UNC5D: variants seen among roughly 807,000 people sequenced by gnomAD.
UNC5D encodes the protein netrin receptor UNC5D.
A neutral mutation model predicts 105.4 loss-of-function variants in UNC5D; 39 were observed. The ratio of observed to expected loss-of-function variants is 0.37; its 90% CI spans 0.29 to 0.48. The LOEUF is 0.48. UNC5D is among the 20% of genes least tolerant of loss of function. The pLI, the probability that UNC5D is intolerant of heterozygous loss-of-function variation, is 0.98. For synonymous variants in UNC5D, 452 were observed against 450.4 expected (o/e 1.00, Z -0.04); for missense variants, 991 against 1,202.4 (o/e 0.82, Z 2.60).
At chr8:35,606,589 C>A (rs761292001) in intron 4 of UNC5D, among the ~76,000 whole-genome samples, 1 of 152,144 alleles carries the variant, frequency 6.6e-6, no homozygotes, top group Non-Finnish European at 1.5e-5. Context: ...CCTCTCCCCT[C>A]GAGTAGACCC....
rs935359801 is a variant in UNC5D, at chr8:35,730,893, T to G, written c.1682-119T>G. On this transcript the variant is annotated intron_variant, in intron 10 of 16. Transcript: ENST00000404895. ...ACCTTAAACTTTCCAAGGATTGAGA[T>G]TTCATAAATTGCCATGAGAAAGTAG... The G allele has an allele frequency of 8.7e-6, 7 of 801,522 alleles. No individual in the cohort carries two copies. The African/African-American group carries it at 1.2e-4, about 14-fold the overall frequency. 49.7% of individuals were successfully genotyped at this position (801,522 alleles called of 1,614,324 possible).
intron 1 of UNC5D, among the ~76,000 whole-genome samples, chr8:35,348,547 C>T (rs1040561349): frequency 4.0e-5 from 6 of 151,332 alleles, no homozygotes; most frequent in Admixed American, 2.0e-4. Flanking sequence ...ACCAAGTTCT[C>T]ATCTAGTCAT....
chr8:35,369,127 T>C (rs999921625), intron 1 of UNC5D, among the ~76,000 whole-genome samples: 1 of 152,192 alleles, frequency 6.6e-6, no homozygotes, highest in Non-Finnish European at 1.5e-5. Context: ...TATCTAATGA[T>C]ATACAATTTT....
At chr8:35,615,057 A>AC (rs1210128104) in intron 4 of UNC5D, among the ~76,000 whole-genome samples, 3 of 53,262 alleles carry the variant, frequency 5.6e-5, no homozygotes, top group African/African-American at 9.8e-5. Flanking sequence ...CCCGTCCCCC[A>AC]CCCCCCGATC....
chr8:35,466,590 A>G (rs922698150), intron 1 of UNC5D, among the ~76,000 whole-genome samples: 3 of 152,150 alleles, frequency 2.0e-5, no homozygotes, highest in Non-Finnish European at 4.4e-5. Flanking sequence ...TAAAAAAGTC[A>G]TTTCTATTAT....
At chr8:35,520,049 A>C (rs1586034185) in intron 1 of UNC5D, among the ~76,000 whole-genome samples, 1 of 152,132 alleles carries the variant, frequency 6.6e-6, no homozygotes, top group East Asian at 1.9e-4. Flanking sequence ...TGACCCCCCC[A>C]ATTTTACACC....
chr8:35,491,523 C>T (rs936786554), intron 1 of UNC5D, among the ~76,000 whole-genome samples: 10 of 152,038 alleles, frequency 6.6e-5, no homozygotes, highest in African/African-American at 2.4e-4. Context: ...TGTTATATGG[C>T]CATTTACATA....
chr8:35,558,287 C>T (rs1816701276), intron 2 of UNC5D, among the ~76,000 whole-genome samples: 1 of 151,994 alleles, frequency 6.6e-6, no homozygotes, highest in African/African-American at 2.4e-5. Context: ...TGTCATAAAA[C>T]TTATGACATC....
intron 3 of UNC5D, among the ~76,000 whole-genome samples, chr8:35,583,868 G>A (rs1370605329): frequency 6.6e-6 from 1 of 152,154 alleles, no homozygotes; most frequent in Non-Finnish European, 1.5e-5. Context: ...ATGGAACTTG[G>A]AGACAAAGCA....
At chr8:35,789,175 A>ATATATATATATATATATATG (rs1563765126) in intron 16 of UNC5D, among the ~76,000 whole-genome samples, 1 of 95,056 alleles carries the variant, frequency 1.1e-5, no homozygotes, top group African/African-American at 4.3e-5. Context: ...ATATATATAT[A>ATATATATATATATATATATG]TATATATATA....
intron 1 of UNC5D, among the ~76,000 whole-genome samples, chr8:35,486,687 T>C (rs984478190): frequency 6.6e-6 from 1 of 152,182 alleles, no homozygotes; most frequent in Non-Finnish European, 1.5e-5. Context: ...CTATCTTAAC[T>C]AGGAAAAAAT....
chr8:35,244,214 A>G (rs1802955129), intron 1 of UNC5D, among the ~76,000 whole-genome samples: 2 of 152,344 alleles, frequency 1.3e-5, no homozygotes, highest in Non-Finnish European at 2.9e-5. Flanking sequence ...CCAAAGTCGA[A>G]CAAACCTAAA....
intron 1 of UNC5D, chr8:35,544,594 CGTTT>C: frequency 2.2e-5 from 14 of 645,048 alleles, no homozygotes; most frequent in Non-Finnish European, 2.8e-5. Context: ...CTTTCGTTTT[CGTTT>C]TTTTTTTTTT....
intron 1 of UNC5D, among the ~76,000 whole-genome samples, chr8:35,524,440 AG>A (rs1813703215): frequency 1.3e-5 from 2 of 151,126 alleles, no homozygotes; most frequent in African/African-American, 4.9e-5. Context: ...CACCAAGTCA[AG>A]TTAGTGGCCT....
chr8:35,367,734 T>C (rs1802201257), intron 1 of UNC5D, among the ~76,000 whole-genome samples: 1 of 151,862 alleles, frequency 6.6e-6, no homozygotes, highest in South Asian at 2.1e-4. Context: ...ATAATGACAG[T>C]TCTTTGGGTT....
chr8:35,661,184 T>C (rs1824083381), intron 4 of UNC5D, among the ~76,000 whole-genome samples: 1 of 152,096 alleles, frequency 6.6e-6, no homozygotes, highest in Non-Finnish European at 1.5e-5. Flanking sequence ...GCTATACATA[T>C]AGAGTTGCCT....
At chr8:35,356,493 T>C (rs1449732310) in intron 1 of UNC5D, among the ~76,000 whole-genome samples, 2 of 152,174 alleles carry the variant, frequency 1.3e-5, no homozygotes, top group Non-Finnish European at 2.9e-5. Context: ...TGAGCACTTA[T>C]CATGGTCTGT....
chr8:35,627,187 A>G (rs1021610917), intron 4 of UNC5D, among the ~76,000 whole-genome samples: 4 of 152,242 alleles, frequency 2.6e-5, no homozygotes, highest in African/African-American at 9.6e-5. Context: ...AGGTTCCATT[A>G]CATTAGCCTC....
chr8:35,617,157 C>T (rs554408522), intron 4 of UNC5D, among the ~76,000 whole-genome samples: 18 of 152,258 alleles, frequency 1.2e-4, no homozygotes, highest in African/African-American at 2.6e-4. Context: ...AGATAAACAA[C>T]GGCCACAATC....
Sources: gnomAD v4.1 joint callset for allele counts (sites outside exome capture counted in the v4.1 genomes callset) on GRCh38, gnomAD v4.1.1 for gene constraint, MANE v1.5 for transcripts, NCBI Gene and HGNC (gene_info 2026-07-23, HGNC 2026-07-21) for gene names.